Variants in CDH12 observed in about 807,000 individuals in gnomAD.
CDH12 encodes cadherin-12.
Under a neutral mutation model 74.1 loss-of-function variants are expected in CDH12, and 41 were observed. The ratio of observed to expected loss-of-function variants is 0.55; its 90% CI spans 0.43 to 0.72. The LOEUF is 0.72. Ranked by LOEUF, CDH12 falls within the 30% of genes least tolerant of loss-of-function variation. The pLI is 0.00. For missense variants in CDH12, 945 were observed against 977.2 expected (o/e 0.97, Z 0.44); for synonymous variants, 399 against 355.0 (o/e 1.12, Z -1.39).
At chr5:22,415,604 T>C (rs1304120117) in intron 2 of CDH12, among the ~76,000 whole-genome samples, 1 of 152,160 alleles carries the variant, frequency 6.6e-6, no homozygotes, top group Admixed American at 6.5e-5. Flanking sequence ...GAAAAACAAA[T>C]GGCCCAGGTA....
intron 6 of CDH12, among the ~76,000 whole-genome samples, chr5:21,925,284 C>T (rs150398111): frequency 7.6e-4 from 115 of 152,248 alleles, no homozygotes; most frequent in Non-Finnish European, 1.4e-3. Flanking sequence ...AAGGAAACTG[C>T]TTTTCAAGTC....
At chr5:22,728,679 C>A (rs1197044798) in intron 1 of CDH12, among the ~76,000 whole-genome samples, 1 of 151,796 alleles carries the variant, frequency 6.6e-6, no homozygotes, top group Non-Finnish European at 1.5e-5. Flanking sequence ...GTCTAAGATG[C>A]GGCAAATCCA....
At chr5:22,329,357 C>T (rs1739252694) in intron 3 of CDH12, among the ~76,000 whole-genome samples, 1 of 152,178 alleles carries the variant, frequency 6.6e-6, no homozygotes, top group African/African-American at 2.4e-5. Flanking sequence ...TAAAAAGCTA[C>T]AATGCTTCTT....
intron 4 of CDH12, among the ~76,000 whole-genome samples, chr5:22,100,008 C>T (rs1416476994): frequency 6.6e-6 from 1 of 152,136 alleles, no homozygotes; most frequent in Admixed American, 6.6e-5. Context: ...CCACGCTGCC[C>T]CTAATGCCGC....
At chr5:22,402,448 T>G (rs952927008) in intron 3 of CDH12, among the ~76,000 whole-genome samples, 7 of 152,230 alleles carry the variant, frequency 4.6e-5, no homozygotes, top group African/African-American at 1.7e-4. Context: ...GCAGATATTT[T>G]AGCTGAATCA....
intron 1 of CDH12, among the ~76,000 whole-genome samples, chr5:22,736,230 G>A (rs1314869280): frequency 6.6e-6 from 1 of 151,650 alleles, no homozygotes; most frequent in African/African-American, 2.4e-5. Flanking sequence ...TAATTAATTA[G>A]TGTATACTTT....
chr5:22,663,469 G>A (rs903369099), intron 1 of CDH12, among the ~76,000 whole-genome samples: 2 of 152,088 alleles, frequency 1.3e-5, no homozygotes, highest in Admixed American at 6.5e-5. Flanking sequence ...TCATATTGCT[G>A]AATATTGTTT....
intron 6 of CDH12, among the ~76,000 whole-genome samples, chr5:21,943,531 T>G (rs531026940): frequency 3.9e-5 from 6 of 152,160 alleles, no homozygotes; most frequent in African/African-American, 1.4e-4. Context: ...TGAAAAGCCA[T>G]GCCAACACAC....
intron 1 of CDH12, among the ~76,000 whole-genome samples, chr5:22,745,424 C>T (rs894157318): frequency 6.6e-6 from 1 of 152,088 alleles, no homozygotes; most frequent in Non-Finnish European, 1.5e-5. Context: ...TGGGTATATA[C>T]ACAGAGGAAT....
intron 3 of CDH12, among the ~76,000 whole-genome samples, chr5:22,221,557 T>C (rs985603895): frequency 1.3e-5 from 2 of 151,934 alleles, no homozygotes; most frequent in Non-Finnish European, 2.9e-5. Flanking sequence ...TTTAGTCTTG[T>C]AGAATCTGCT....
chr5:22,014,919 G>T (rs1737514469), intron 5 of CDH12, among the ~76,000 whole-genome samples: 1 of 152,038 alleles, frequency 6.6e-6, no homozygotes, highest in African/African-American at 2.4e-5. Flanking sequence ...TATTTGTGCA[G>T]AATATTTTAA....
Position 22,698,690 on chromosome 5 carries a change from T to G in CDH12, c.-523+154368A>C, listed in dbSNP as rs1345020065. Among the ~76,000 whole-genome samples the G allele has an allele frequency of 6.2e-4, 4 of 6,470 alleles. No individual in the cohort carries two copies. In the East Asian group the frequency reaches 0.026, roughly 43 times the overall value. 4.2% of individuals were successfully genotyped at this position (6,470 alleles called of 152,430 possible). A position where few individuals can be genotyped will look rare whatever the true frequency, so the allele number is the denominator to read the frequency against. ...TTCAATCCCCAGATATATATATATA[T>G]ATATATATATATATATATATATATA... On this transcript the variant is annotated intron_variant, in intron 1 of 14. Transcript: ENST00000382254.
At chr5:21,933,314 T>G (rs752636998) in intron 6 of CDH12, among the ~76,000 whole-genome samples, 3 of 152,148 alleles carry the variant, frequency 2.0e-5, no homozygotes, top group Non-Finnish European at 4.4e-5. Flanking sequence ...AGGCTGTATA[T>G]CCTAATGAGA....
intron 5 of CDH12, among the ~76,000 whole-genome samples, chr5:22,034,498 T>G (rs894309918): frequency 4.6e-5 from 7 of 152,170 alleles, no homozygotes; most frequent in African/African-American, 1.2e-4. Context: ...CTAGGAACTG[T>G]GGAGACATAT....
At chr5:22,269,015 C>T (rs985261966) in intron 3 of CDH12, among the ~76,000 whole-genome samples, 1 of 152,010 alleles carries the variant, frequency 6.6e-6, no homozygotes, top group African/African-American at 2.4e-5. Flanking sequence ...CCATTAGATG[C>T]TTTATGAACC....
intron 1 of CDH12, among the ~76,000 whole-genome samples, chr5:22,849,402 A>G (rs1484440011): frequency 6.6e-6 from 1 of 152,112 alleles, no homozygotes; most frequent in Non-Finnish European, 1.5e-5. Flanking sequence ...TTTCCAGGAA[A>G]TTGGAATTAT....
chr5:21,896,352 TAA>T (rs1434415332), intron 6 of CDH12, among the ~76,000 whole-genome samples: 1 of 152,218 alleles, frequency 6.6e-6, no homozygotes, highest in Non-Finnish European at 1.5e-5. Context: ...CTTGGACAAT[TAA>T]AAAGTGTCAA....
chr5:22,576,278 G>A (rs769446631), intron 1 of CDH12, among the ~76,000 whole-genome samples: 3 of 152,038 alleles, frequency 2.0e-5, no homozygotes, highest in East Asian at 1.9e-4. Flanking sequence ...ATCACCCCTG[G>A]CACCTTTCTC....
intron 4 of CDH12, among the ~76,000 whole-genome samples, chr5:22,128,464 C>T (rs549320911): frequency 2.0e-4 from 31 of 151,576 alleles, no homozygotes; most frequent in South Asian, 1.0e-3. Flanking sequence ...TTATTTCTAT[C>T]ACACATAGGT....
Sources: allele counts gnomAD v4.1 joint callset (sites outside exome capture counted in the v4.1 genomes callset), GRCh38; gene constraint gnomAD v4.1.1; transcripts MANE v1.5; gene names NCBI Gene and HGNC (gene_info 2026-07-23, HGNC 2026-07-21).